The following TMEM266 variants were observed in gnomAD, a reference collection of about 807,000 sequenced individuals.
TMEM266 encodes Hv1 related protein 1.
A neutral mutation model predicts 50.5 loss-of-function variants in TMEM266; 33 were observed. The ratio of observed to expected loss-of-function variants is 0.65; its 90% CI spans 0.50 to 0.87. The LOEUF is 0.87. TMEM266 is among the 40% of genes least tolerant of loss of function. The pLI is 0.00. For missense variants in TMEM266, 655 were observed against 695.1 expected (o/e 0.94, Z 0.65); for synonymous variants, 310 against 292.3 (o/e 1.06, Z -0.62).
intron 1 of TMEM266, among the ~76,000 whole-genome samples, chr15:76,061,161 C>CA (rs1251539698): frequency 6.6e-6 from 1 of 151,954 alleles, no homozygotes; most frequent in Non-Finnish European, 1.5e-5. Context: ...GAGCTAGAAG[C>CA]AAAAAATGAA....
intron 7 of TMEM266, chr15:76,175,320 A>T (rs2038256646): frequency 2.3e-6 from 1 of 436,338 alleles, no homozygotes; most frequent in Admixed American, 3.8e-5. Context: ...CACACAGCCC[A>T]AAAGTATGGG....
chr15:76,131,608 A>G (rs763700853), intron 1 of TMEM266, among the ~76,000 whole-genome samples: 33 of 152,354 alleles, frequency 2.2e-4, no homozygotes, highest in South Asian at 1.0e-3. Context: ...ATGGAATTTT[A>G]TAAGACTTAG....
At chr15:76,157,141 C>G (rs1247869174) in intron 4 of TMEM266, among the ~76,000 whole-genome samples, 1 of 152,080 alleles carries the variant, frequency 6.6e-6, no homozygotes, top group Non-Finnish European at 1.5e-5. Flanking sequence ...TTTACGGAGG[C>G]ATCTCAGCTT....
intron 1 of TMEM266, among the ~76,000 whole-genome samples, chr15:76,106,158 G>A (rs867989496): frequency 7.4e-4 from 112 of 151,764 alleles, no homozygotes; most frequent in African/African-American, 2.4e-3. Context: ...CCATCCCCCA[G>A]CCCCTGCAAA....
chr15:76,091,312 C>T (rs1460834628), intron 1 of TMEM266, among the ~76,000 whole-genome samples: 2 of 150,380 alleles, frequency 1.3e-5, no homozygotes. Flanking sequence ...AAGAGGAAGA[C>T]ATGGGACCTC....
In TMEM266 at chr15:76,116,922, G is replaced by T. The variant is rs1238810693; in HGVS notation, c.-96-17246G>T. 3.6e-5 allele frequency among the ~76,000 whole-genome samples: 5 copies of T among 140,462 alleles called. No individual in the cohort carries two copies. In the East Asian group the frequency reaches 6.2e-4, roughly 18 times the overall value. 92.1% of individuals were successfully genotyped at this position (140,462 alleles called of 152,430 possible). A position where few individuals can be genotyped will look rare whatever the true frequency, so the allele number is the denominator to read the frequency against. ...TTTTTTTTTTTTTTTTTTTTGAGAC[G>T]GAGTTTCGCTCTTGTTGCCCAGGCT... On this transcript the variant is annotated intron_variant, in intron 1 of 10. Coordinates refer to ENST00000388942, the MANE Select transcript of TMEM266 (RefSeq NM_152335.3).
chr15:76,077,602 C>A (rs1340390332), intron 1 of TMEM266, among the ~76,000 whole-genome samples: 1 of 151,872 alleles, frequency 6.6e-6, no homozygotes, highest in African/African-American at 2.4e-5. Context: ...CACAAGAGTC[C>A]TTATAGGAGA....
At chr15:76,189,948 G>A (rs1043103633) in intron 8 of TMEM266, among the ~76,000 whole-genome samples, 1 of 152,240 alleles carries the variant, frequency 6.6e-6, no homozygotes, top group Non-Finnish European at 1.5e-5. Flanking sequence ...CAGTCCCAGA[G>A]ACCGAACCTA....
At chr15:76,180,607 C>CT (rs59287886) in intron 8 of TMEM266, among the ~76,000 whole-genome samples, 674 of 63,158 alleles carry the variant, frequency 0.011, 24 homozygotes, top group African/African-American at 0.035. Flanking sequence ...TCATCTTAAG[C>CT]TTTTTTTTTT....
intron 8 of TMEM266, among the ~76,000 whole-genome samples, chr15:76,176,976 C>T (rs2038293230): frequency 1.3e-5 from 2 of 152,236 alleles, no homozygotes; most frequent in South Asian, 4.1e-4. Flanking sequence ...TGTGCCATGC[C>T]ACCTCTTGGG....
At chr15:76,144,226 T>TGC (rs112360348) in intron 3 of TMEM266, among the ~76,000 whole-genome samples, 1 of 151,528 alleles carries the variant, frequency 6.6e-6, no homozygotes, top group Non-Finnish European at 1.5e-5. Context: ...ATTACCAAAA[T>TGC]GCCATGTGCA....
chr15:76,159,418 C>T lies in TMEM266; in HGVS notation c.383-677C>T, dbSNP rs1231075408. 2.0e-5 allele frequency among the ~76,000 whole-genome samples: 3 copies of T among 152,132 alleles called. No individual in the cohort carries two copies. The East Asian group carries it at 5.8e-4, about 29-fold the overall frequency. ...GGAACCCTCAGGGGCTGATGGCTGT[C>T]CTCACTCCCACTCCAGAACCTGGGG... On this transcript the variant is annotated intron_variant, in intron 4 of 10. Coordinates refer to ENST00000388942, the MANE Select transcript of TMEM266 (RefSeq NM_152335.3).
At chr15:76,198,342 G>C (rs1463567355) in intron 9 of TMEM266, among the ~76,000 whole-genome samples, 1 of 152,102 alleles carries the variant, frequency 6.6e-6, no homozygotes, top group African/African-American at 2.4e-5. Context: ...CTTCCTGTGT[G>C]TCTCTAGGAC....
chr15:76,178,715 G>A (rs1350288537), intron 8 of TMEM266: 1 of 152,210 alleles, frequency 6.6e-6, no homozygotes, highest in Non-Finnish European at 1.5e-5. Context: ...TCAGCCGGAG[G>A]GAGACTCCCT....
intron 1 of TMEM266, among the ~76,000 whole-genome samples, chr15:76,104,661 G>A (rs571795016): frequency 1.6e-4 from 25 of 152,110 alleles, no homozygotes; most frequent in Non-Finnish European, 3.2e-4. Context: ...AGCATGTGGA[G>A]GTTTGCTCGT....
intron 1 of TMEM266, among the ~76,000 whole-genome samples, chr15:76,096,301 AACG>A (rs542385315): frequency 6.3e-4 from 96 of 152,006 alleles, no homozygotes; most frequent in African/African-American, 2.3e-3. Flanking sequence ...GAGATTCTGA[AACG>A]TTGTGTTTTC....
At chr15:76,096,555 TGTG>T (rs1435960638) in intron 1 of TMEM266, among the ~76,000 whole-genome samples, 1 of 152,066 alleles carries the variant, frequency 6.6e-6, no homozygotes, top group Non-Finnish European at 1.5e-5. Flanking sequence ...ATAAGTGTGA[TGTG>T]GTGCTGAGAA....
intron 1 of TMEM266, among the ~76,000 whole-genome samples, chr15:76,125,949 A>G (rs2037417129): frequency 6.6e-6 from 1 of 152,130 alleles, no homozygotes; most frequent in South Asian, 2.1e-4. Flanking sequence ...GGTTTATGAA[A>G]AGGTGCTTAA....
chr15:76,113,387 A>T (rs2037203385), intron 1 of TMEM266: 2 of 152,414 alleles, frequency 1.3e-5, no homozygotes, highest in South Asian at 4.1e-4. Context: ...CAGAGAGGTG[A>T]ATAATTGTGT....
Sources: gnomAD v4.1 joint callset for allele counts (sites outside exome capture counted in the v4.1 genomes callset) on GRCh38, gnomAD v4.1.1 for gene constraint, MANE v1.5 for transcripts, NCBI Gene and HGNC (gene_info 2026-07-23, HGNC 2026-07-21) for gene names.